The following CNTNAP3B variants were observed in gnomAD, a reference collection of about 807,000 sequenced individuals.
The protein encoded by CNTNAP3B is contactin-associated protein-like 3B.
CNTNAP3B carries 25 observed loss-of-function variants against 108.9 expected under a neutral mutation model. That is an observed-to-expected ratio of 0.23 (90% confidence interval 0.17 to 0.32). The LOEUF (loss-of-function observed/expected upper bound fraction) is 0.32. Among genes scored for constraint, CNTNAP3B ranks in the 10% least tolerant of loss-of-function variants. The pLI is 1.00. For synonymous variants in CNTNAP3B, 103 were observed against 473.4 expected (o/e 0.22, Z 10.16); for missense variants, 252 against 1,210.4 (o/e 0.21, Z 11.75).
intron 14 of CNTNAP3B, among the ~76,000 whole-genome samples, chr9:41,933,547 T>G (rs1824045347): frequency 6.6e-6 from 1 of 152,292 alleles, no homozygotes; most frequent in Admixed American, 6.5e-5. Flanking sequence ...AAATAAAATT[T>G]TTCTAGGTGT....
chr9:41,995,531 C>T (rs1336685752), intron 7 of CNTNAP3B, among the ~76,000 whole-genome samples: 2 of 135,386 alleles, frequency 1.5e-5, no homozygotes, highest in Non-Finnish European at 1.6e-5. Flanking sequence ...GTTGGGAAAT[C>T]GAGACCATCC....
In CNTNAP3B at chr9:42,103,547, C is replaced by T. The variant is rs1014913633; in HGVS notation, c.196+1082G>A. On this transcript the variant is annotated intron_variant, in intron 2 of 23. Coordinates refer to ENST00000377561, the MANE Select transcript of CNTNAP3B (RefSeq NM_001201380.3). Reference sequence around the variant, plus strand: ...GACCACCTTGGCTAACATGGTGAAACCCCGTCCCTGCTAAAAAAAAAAAAA... The same window carrying T: ...GACCACCTTGGCTAACATGGTGAAATCCCGTCCCTGCTAAAAAAAAAAAAA... 3.7e-5 allele frequency among the ~76,000 whole-genome samples: 4 copies of T among 108,188 alleles called. 1 individual carries two copies. Among genetic ancestry groups the T allele is most frequent in the African/African-American group, 1.6e-4 (4 of 25,112 alleles). 71.0% of individuals were successfully genotyped at this position (108,188 alleles called of 152,430 possible). A position where few individuals can be genotyped will look rare whatever the true frequency, so the allele number is the denominator to read the frequency against.
At chr9:41,957,893 T>G (rs1462621118) in intron 12 of CNTNAP3B, among the ~76,000 whole-genome samples, 2 of 152,128 alleles carry the variant, frequency 1.3e-5, no homozygotes, top group East Asian at 1.9e-4. Context: ...CCCGAGTAGC[T>G]GGGACTACAG....
Position 42,046,122 on chromosome 9 carries a change from G to A in CNTNAP3B, c.390+30747C>T, listed in dbSNP as rs555444652. Among the ~76,000 whole-genome samples, 48 of 124,072 alleles carry A rather than the reference G, an allele frequency of 3.9e-4. 6 individuals carry two copies. Among genetic ancestry groups the A allele is most frequent in the African/African-American group, 5.7e-4 (17 of 30,022 alleles). 81.4% of individuals were successfully genotyped at this position (124,072 alleles called of 152,430 possible). A position where few individuals can be genotyped will look rare whatever the true frequency, so the allele number is the denominator to read the frequency against. On this transcript the variant is annotated intron_variant, in intron 3 of 23. Coordinates refer to ENST00000377561, the MANE Select transcript of CNTNAP3B (RefSeq NM_001201380.3). ...TCACTTTGCAAACCACACAAGGACC[G>A]GCCTGTGAGAAACTTCCAGTAGAAA...
chr9:42,066,353 C>A (rs1827263675), intron 3 of CNTNAP3B, among the ~76,000 whole-genome samples: 1 of 105,856 alleles, frequency 9.4e-6, no homozygotes, highest in Non-Finnish European at 1.9e-5. Context: ...ATAACTTATA[C>A]AAAGGGAGGT....
chr9:41,995,598 G>C (rs1288029046), intron 7 of CNTNAP3B, among the ~76,000 whole-genome samples: 1 of 131,016 alleles, frequency 7.6e-6, no homozygotes, highest in Non-Finnish European at 1.6e-5. Flanking sequence ...GGGCATGCTG[G>C]TGGGCACCTG....
chr9:42,124,867 G>GT lies in CNTNAP3B; in HGVS notation c.85+4142dup, dbSNP rs1170170196. Reference sequence around the variant, plus strand: ...AAATGAACTGTTATTTCTCATAATTGTTTTTTTTTCAGCCTCTTTATTTTT... The same window carrying GT: ...AAATGAACTGTTATTTCTCATAATTGTTTTTTTTTTCAGCCTCTTTATTTTT... On this transcript the variant is annotated intron_variant, in intron 1 of 23. Transcript: ENST00000377561. 3.7e-3 allele frequency among the ~76,000 whole-genome samples: 495 copies of GT among 134,274 alleles called. 100 individuals are homozygous for GT. Among genetic ancestry groups the GT allele is most frequent in the African/African-American group, 0.013 (426 of 33,524 alleles). 88.1% of individuals were successfully genotyped at this position (134,274 alleles called of 152,430 possible).
chr9:42,021,724 C>T (rs1482884667), intron 3 of CNTNAP3B, among the ~76,000 whole-genome samples: 3 of 113,410 alleles, frequency 2.6e-5, no homozygotes, highest in Non-Finnish European at 5.3e-5. Context: ...CGGCAGTGTG[C>T]TAGAAATTTT....
At chr9:41,939,742 T>C (rs1354475132) in intron 13 of CNTNAP3B, among the ~76,000 whole-genome samples, 1 of 152,258 alleles carries the variant, frequency 6.6e-6, no homozygotes, top group East Asian at 1.9e-4. Context: ...CATCTAAATC[T>C]CCCATATTCC....
At chr9:41,995,446 A>G (rs1208727412) in intron 7 of CNTNAP3B, among the ~76,000 whole-genome samples, 1 of 117,334 alleles carries the variant, frequency 8.5e-6, no homozygotes, top group Non-Finnish European at 1.7e-5. Context: ...TCTCAAAACA[A>G]AAACAAAAAC....
At chr9:41,916,312 A>G (rs1329506670) in intron 18 of CNTNAP3B, among the ~76,000 whole-genome samples, 1 of 146,958 alleles carries the variant, frequency 6.8e-6, no homozygotes, top group East Asian at 2.0e-4. Flanking sequence ...TATATTCTCT[A>G]TTATAGTTTT....
intron 4 of CNTNAP3B, among the ~76,000 whole-genome samples, chr9:42,012,940 G>A (rs1177904146): frequency 1.0e-5 from 1 of 96,188 alleles, no homozygotes. Context: ...AAAAGAGGAC[G>A]TTAGCAGAGA....
rs1365293050 is a variant in CNTNAP3B, at chr9:41,917,398, T to C, written c.2995+2672A>G. On this transcript the variant is annotated intron_variant, in intron 18 of 23. Coordinates refer to ENST00000377561, the MANE Select transcript of CNTNAP3B (RefSeq NM_001201380.3). ...TCTTCATACCACTAGCTTAAACTGA[T>C]CCATGCTCTGTTCCAAATAGAAATC... Among the ~76,000 whole-genome samples, 8 of 140,660 alleles carry C rather than the reference T, an allele frequency of 5.7e-5. 2 individuals carry two copies. Among genetic ancestry groups the C allele is most frequent in the Non-Finnish European group, 1.1e-4 (7 of 65,080 alleles). 92.3% of individuals were successfully genotyped at this position (140,660 alleles called of 152,430 possible).
At chr9:42,096,927 T>C (rs1827913171) in intron 2 of CNTNAP3B, among the ~76,000 whole-genome samples, 1 of 129,328 alleles carries the variant, frequency 7.7e-6, no homozygotes. Context: ...AACTTTTTTT[T>C]TTTTTAATAG....
chr9:41,982,262 C>T (rs1221907319), intron 9 of CNTNAP3B, among the ~76,000 whole-genome samples: 77 of 65,676 alleles, frequency 1.2e-3, no homozygotes, highest in African/African-American at 5.5e-3. Context: ...GCAAAAGAAA[C>T]TATCCACAGA....
At chr9:41,917,968 T>A (rs1823564005) in intron 18 of CNTNAP3B, among the ~76,000 whole-genome samples, 1 of 152,312 alleles carries the variant, frequency 6.6e-6, no homozygotes, top group Non-Finnish European at 1.5e-5. Flanking sequence ...CTCACTGTTA[T>A]TACTGATTAA....
chr9:41,942,731 G>C (rs1232080176), intron 13 of CNTNAP3B, among the ~76,000 whole-genome samples: 2 of 152,224 alleles, frequency 1.3e-5, no homozygotes, highest in Admixed American at 1.3e-4. Flanking sequence ...GATTAAAAAT[G>C]AAAGAGCTGT....
chr9:41,925,463 G>A (rs1823790095), intron 15 of CNTNAP3B, among the ~76,000 whole-genome samples: 1 of 152,172 alleles, frequency 6.6e-6, no homozygotes, highest in South Asian at 2.1e-4. Context: ...CATGGTGGTG[G>A]GTGCCTGTAG....
At chr9:41,969,331 C>T (rs556667163) in intron 10 of CNTNAP3B, among the ~76,000 whole-genome samples, 270 of 149,532 alleles carry the variant, frequency 1.8e-3, no homozygotes, top group Middle Eastern at 0.01. Context: ...TGAGTATGTC[C>T]TTCTGCACAC....
Sources: gnomAD v4.1 joint callset for allele counts (sites outside exome capture counted in the v4.1 genomes callset) on GRCh38, gnomAD v4.1.1 for gene constraint, MANE v1.5 for transcripts, NCBI Gene and HGNC (gene_info 2026-07-23, HGNC 2026-07-21) for gene names.